Variants in BBS9 observed in about 807,000 individuals in gnomAD.
BBS9 encodes the protein Bardet-Biedl syndrome 9, also known as protein PTHB1.
BBS9 carries 89 observed loss-of-function variants against 117.7 expected under a neutral mutation model. The ratio of observed to expected loss-of-function variants is 0.76; its 90% CI spans 0.64 to 0.90. The LOEUF (loss-of-function observed/expected upper bound fraction) is 0.90. Ranked by LOEUF, BBS9 falls within the 40% of genes least tolerant of loss-of-function variation. The pLI is 0.00. For synonymous variants in BBS9, 379 were observed against 370.9 expected, an observed-to-expected ratio of 1.02 and a Z score of -0.25; for missense variants, 982 against 1,042.2, an observed-to-expected ratio of 0.94 and a Z score of 0.80.
intron 4 of BBS9, among the ~76,000 whole-genome samples, chr7:33,158,182 GA>G (rs1794356862): frequency 6.6e-6 from 1 of 152,138 alleles, no homozygotes; most frequent in Non-Finnish European, 1.5e-5. Context: ...TAATGGCTTT[GA>G]GTTTAACATC....
chr7:33,357,948 CTATTGA>C lies in BBS9; in HGVS notation c.1649_1654del (p.Ile550_Asp551del). ...TCAAAAACTGCAAGCCACAAAATTA[CTATTGA>C]TACCAACAAATCTCCAGTCAGTCTT... On this transcript the variant is annotated inframe_deletion, in exon 16 of 23. Coordinates refer to ENST00000242067, the MANE Select transcript of BBS9 (RefSeq NM_198428.3). The C allele has an allele frequency of 1.2e-6, 2 of 1,612,578 alleles. No individual in the cohort carries two copies. The highest frequency in any genetic ancestry group is 1.7e-6 in the Non-Finnish European group (2 of 1,178,922).
At chr7:33,468,819 G>A (rs1840554947) in intron 19 of BBS9, among the ~76,000 whole-genome samples, 1 of 152,116 alleles carries the variant, frequency 6.6e-6, no homozygotes, top group Non-Finnish European at 1.5e-5. Flanking sequence ...CAGCTATGCT[G>A]CTGCAAATGA....
At chr7:33,184,960 G>T (rs1310374841) in intron 5 of BBS9, among the ~76,000 whole-genome samples, 2 of 152,152 alleles carry the variant, frequency 1.3e-5, no homozygotes, top group Non-Finnish European at 2.9e-5. Flanking sequence ...CCAGGAAAAG[G>T]GTGGGCAATT....
At chr7:33,271,750 A>C (rs1375406589) in intron 7 of BBS9, among the ~76,000 whole-genome samples, 1 of 152,194 alleles carries the variant, frequency 6.6e-6, no homozygotes, top group East Asian at 1.9e-4. Context: ...ACTGCCACAC[A>C]ATAATAGTGG....
chr7:33,497,950 A>T (rs1844950467), intron 19 of BBS9, among the ~76,000 whole-genome samples: 1 of 152,198 alleles, frequency 6.6e-6, no homozygotes. Context: ...TCCTGGTGTT[A>T]CTAAATTGAA....
chr7:33,387,665 C>G (rs972788496), intron 18 of BBS9, among the ~76,000 whole-genome samples: 3 of 152,036 alleles, frequency 2.0e-5, no homozygotes, highest in African/African-American at 2.4e-5. Flanking sequence ...AACTTTTAAT[C>G]TCTGCATTGA....
At chr7:33,557,393 G>A (rs922175534) in intron 21 of BBS9, among the ~76,000 whole-genome samples, 3 of 152,046 alleles carry the variant, frequency 2.0e-5, no homozygotes, top group Non-Finnish European at 4.4e-5. Flanking sequence ...TTTCTTTATT[G>A]TAGTAATACA....
At position 33,249,382 on chromosome 7, in the gene BBS9, G is replaced by A. The variant is rs150207525; in HGVS notation, c.443-7854G>A. Among the ~76,000 whole-genome samples the A allele has an allele frequency of 8.8e-3, 1,340 of 152,108 alleles. 17 individuals are homozygous for A. Among genetic ancestry groups the A allele is most frequent in the South Asian group, 0.044 (211 of 4,814 alleles). On this transcript the variant is annotated intron_variant, in intron 5 of 22. Coordinates refer to ENST00000242067, the MANE Select transcript of BBS9 (RefSeq NM_198428.3). ...TTACCAGTTTATGCATCATGTTAAA[G>A]CTTTGACTATATGATATTTTAATGC...
Position 33,368,881 on chromosome 7 carries a change from T to A in BBS9, c.1789+1019T>A, listed in dbSNP as rs563656701. On this transcript the variant is annotated intron_variant, in intron 17 of 22. Transcript: ENST00000242067. ...CTGGAATATGTCAATTGGTGACTGG[T>A]AAAATAGACTCAGATACTATTGAAG... Among the ~76,000 whole-genome samples the A allele has an allele frequency of 2.0e-5, 3 of 152,288 alleles. No homozygotes were observed. The East Asian group carries it at 5.8e-4, about 29-fold the overall frequency.
At chr7:33,322,537 A>C (rs536968490) in intron 9 of BBS9, among the ~76,000 whole-genome samples, 1 of 152,054 alleles carries the variant, frequency 6.6e-6, no homozygotes, top group South Asian at 2.1e-4. Context: ...ATAGTTGCTC[A>C]TAGTAGCCAC....
At position 33,190,844 on chromosome 7, in the gene BBS9, A is replaced by G. The variant is rs556654019; in HGVS notation, c.442+13253A>G. ...GGGAAGTCCTCTTACCACTAAGGGT[A>G]AGAGTGGAGAGGGAAGAGGGGTGGA... is the stretch of plus-strand genomic sequence containing the variant. On this transcript the variant is annotated intron_variant, in intron 5 of 22. Transcript: ENST00000242067. 2.0e-5 allele frequency among the ~76,000 whole-genome samples: 3 copies of G among 152,324 alleles called. No homozygotes were observed. The South Asian group carries it at 6.2e-4, about 32-fold the overall frequency.
chr7:33,314,735 C>T (rs1444048840), intron 9 of BBS9, among the ~76,000 whole-genome samples: 1 of 152,204 alleles, frequency 6.6e-6, no homozygotes, highest in Admixed American at 6.5e-5. Context: ...TTCAATCTCA[C>T]ATAGTCTTTG....
At chr7:33,259,110 A>C (rs1797555091) in intron 6 of BBS9, among the ~76,000 whole-genome samples, 1 of 152,194 alleles carries the variant, frequency 6.6e-6, no homozygotes, top group African/African-American at 2.4e-5. Context: ...AATGATAATC[A>C]CTGCTGCATT....
At chr7:33,325,559 C>A (rs1812655245) in intron 9 of BBS9, among the ~76,000 whole-genome samples, 1 of 152,134 alleles carries the variant, frequency 6.6e-6, no homozygotes, top group African/African-American at 2.4e-5. Flanking sequence ...AGTGTCTGGG[C>A]ATTGAAGGGT....
intron 19 of BBS9, among the ~76,000 whole-genome samples, chr7:33,493,406 C>T (rs1358539206): frequency 6.6e-6 from 1 of 152,160 alleles, no homozygotes; most frequent in Non-Finnish European, 1.5e-5. Flanking sequence ...TAGTCACACA[C>T]AAATCTGAAA....
rs116490202 is a variant in BBS9 at position 33,243,781 on chromosome 7, C to T, written c.443-13455C>T. On this transcript the variant is annotated intron_variant, in intron 5 of 22. Coordinates refer to ENST00000242067, the MANE Select transcript of BBS9 (RefSeq NM_198428.3). ...TTTTGGATGGTCTTAAGATAATGGA[C>T]GAAAAAGAGCTAATGTAAGTAAGTT... Among the ~76,000 whole-genome samples the T allele has an allele frequency of 3.5e-3, 525 of 152,012 alleles. 4 individuals are homozygous for T. The highest frequency in any genetic ancestry group is 0.012 in the African/African-American group (489 of 41,446).
chr7:33,204,683 G>A (rs1285826621), intron 5 of BBS9, among the ~76,000 whole-genome samples: 1 of 151,932 alleles, frequency 6.6e-6, no homozygotes, highest in African/African-American at 2.4e-5. Context: ...ATTGTCATGG[G>A]GTAATATTTC....
At chr7:33,470,532 G>A (rs892313477) in intron 19 of BBS9, among the ~76,000 whole-genome samples, 11 of 151,968 alleles carry the variant, frequency 7.2e-5, no homozygotes, top group Admixed American at 2.0e-4. Context: ...CGTGAAAATA[G>A]CAAGCTTTGT....
intron 20 of BBS9, among the ~76,000 whole-genome samples, chr7:33,518,237 T>A (rs891022464): frequency 1.3e-5 from 2 of 149,584 alleles, no homozygotes; most frequent in Non-Finnish European, 3.0e-5. Flanking sequence ...TATATTTTTG[T>A]ATATATTCTT....
Sources: allele counts gnomAD v4.1 joint callset (sites outside exome capture counted in the v4.1 genomes callset), GRCh38; gene constraint gnomAD v4.1.1; transcripts MANE v1.5; gene names NCBI Gene and HGNC (gene_info 2026-07-23, HGNC 2026-07-21).